The following ZNF236 variants were observed in gnomAD, a reference collection of about 807,000 sequenced individuals.
ZNF236 encodes zinc finger protein 236, also known as regulated by glucose.
A neutral mutation model predicts 191.2 loss-of-function variants in ZNF236; 50 were observed. The ratio of observed to expected loss-of-function variants is 0.26; its 90% CI spans 0.21 to 0.33. The LOEUF (loss-of-function observed/expected upper bound fraction) is 0.33, where lower values mean the gene tolerates loss of function less well. Ranked by LOEUF, ZNF236 falls within the 10% of genes least tolerant of loss-of-function variation. ZNF236 has a pLI of 1.00. For synonymous variants in ZNF236, 907 were observed against 928.8 expected, an observed-to-expected ratio of 0.98 and a Z score of 0.43; for missense variants, 1,754 against 2,374.5, an observed-to-expected ratio of 0.74 and a Z score of 5.43.
chr18:76,879,499 C>T (rs1348938945), intron 7 of ZNF236, among the ~76,000 whole-genome samples: 5 of 152,140 alleles, frequency 3.3e-5, no homozygotes, highest in Admixed American at 6.5e-5. Context: ...GTCCATTCAA[C>T]GGGTTTTGAC....
intron 26 of ZNF236, among the ~76,000 whole-genome samples, chr18:76,943,615 A>G (rs1968192486): frequency 6.6e-6 from 1 of 152,236 alleles, no homozygotes; most frequent in South Asian, 2.1e-4. Context: ...AGGTATATAA[A>G]TGTGGCTTTT....
chr18:76,953,274 C>T (rs1196197373), intron 27 of ZNF236, among the ~76,000 whole-genome samples: 3 of 152,236 alleles, frequency 2.0e-5, no homozygotes, highest in African/African-American at 7.2e-5. Context: ...AGGGGAGCCG[C>T]TGCAGCAAAC....
chr18:76,826,197 C>T (rs1180478590), intron 1 of ZNF236, among the ~76,000 whole-genome samples: 1 of 151,592 alleles, frequency 6.6e-6, no homozygotes, highest in African/African-American at 2.4e-5. Context: ...CTGCAACCTC[C>T]GCCTCCCGGG....
At chr18:76,848,215 A>G (rs1031437749) in intron 1 of ZNF236, among the ~76,000 whole-genome samples, 10 of 152,210 alleles carry the variant, frequency 6.6e-5, no homozygotes, top group South Asian at 2.1e-4. Context: ...GAACATTTCA[A>G]GTGCCTGTGT....
chr18:76,858,575 T>C (rs2122550460), intron 3 of ZNF236, among the ~76,000 whole-genome samples: 2 of 152,324 alleles, frequency 1.3e-5, no homozygotes, highest in Middle Eastern at 3.4e-3. Context: ...GCAGTTAGTT[T>C]TGAACAGATG....
intron 9 of ZNF236, chr18:76,887,262 C>T (rs535955761): frequency 2.0e-5 from 3 of 152,198 alleles, no homozygotes; most frequent in Admixed American, 2.0e-4. Context: ...GTCCCACCTA[C>T]TCGGGAAGCT....
At chr18:76,841,158 C>CT (rs1236893844) in intron 1 of ZNF236, 2 of 152,224 alleles carry the variant, frequency 1.3e-5, no homozygotes, top group African/African-American at 2.4e-5. Context: ...AGGCTGGTCT[C>CT]TAACTCCTGA....
intron 1 of ZNF236, among the ~76,000 whole-genome samples, chr18:76,845,590 C>G (rs572288831): frequency 6.6e-6 from 1 of 152,114 alleles, no homozygotes; most frequent in African/African-American, 2.4e-5. Context: ...GTGGCTCATG[C>G]CTGTAATCCC....
At chr18:76,826,371 G>T (rs1209854453) in intron 1 of ZNF236, among the ~76,000 whole-genome samples, 3 of 144,780 alleles carry the variant, frequency 2.1e-5, no homozygotes, top group African/African-American at 7.6e-5. Context: ...TGATCCGCCC[G>T]CCTCGGCCTC....
Position 76,968,999 on chromosome 18 carries a change from C to T in ZNF236, c.*660C>T. The T allele has an allele frequency of 1.0e-6, 1 of 985,532 alleles. No individual in the cohort carries two copies. The highest frequency in any genetic ancestry group is 1.1e-4 in the East Asian group (1 of 8,814). The allele number at this position is 985,532 out of a possible 1,614,324, so 61.0% of individuals were successfully genotyped here. A position where few individuals can be genotyped will look rare whatever the true frequency, so the allele number is the denominator to read the frequency against. On this transcript the variant is annotated 3_prime_UTR_variant, in exon 31 of 31. Coordinates refer to ENST00000320610, the MANE Select transcript of ZNF236 (RefSeq NM_001306089.2). ...CGTCAACATGGGGACTCGAGTAAAC[C>T]TGACCCACCAATAAGGATTCAGCTG...
chr18:76,886,595 C>T, intron 9 of ZNF236: 1 of 164,208 alleles, frequency 6.1e-6, no homozygotes, highest in Non-Finnish European at 1.3e-5. Flanking sequence ...CCTACCAGTG[C>T]TGTGGTGTCG....
chr18:76,949,433 T>G (rs1358984120), intron 27 of ZNF236, among the ~76,000 whole-genome samples: 3 of 152,152 alleles, frequency 2.0e-5, no homozygotes, highest in Non-Finnish European at 4.4e-5. Context: ...AGCTTGTAAT[T>G]TTTTTCAAAA....
chr18:76,946,280 A>G (rs1358351388), intron 26 of ZNF236, among the ~76,000 whole-genome samples: 3 of 152,206 alleles, frequency 2.0e-5, no homozygotes, highest in East Asian at 3.9e-4. Context: ...GCTGCCATCC[A>G]TGTAAGATGT....
At chr18:76,892,002 A>G (rs1453798711) in intron 9 of ZNF236, among the ~76,000 whole-genome samples, 1 of 152,154 alleles carries the variant, frequency 6.6e-6, no homozygotes, top group East Asian at 1.9e-4. Context: ...AAGTTCCAAA[A>G]ACTTTAGTTC....
At chr18:76,915,567 GT>G in intron 18 of ZNF236, 79 bp from the exon 19 acceptor site, 5 of 1,293,826 alleles carry the variant, frequency 3.9e-6, no homozygotes, top group Non-Finnish European at 5.5e-6. Context: ...ACATATCTTT[GT>G]TTGGTTTTGA....
At chr18:76,831,175 T>C (rs1975159367) in intron 1 of ZNF236, among the ~76,000 whole-genome samples, 1 of 152,252 alleles carries the variant, frequency 6.6e-6, no homozygotes, top group African/African-American at 2.4e-5. Flanking sequence ...TATAGTGTCA[T>C]ACAGAATAGT....
intron 3 of ZNF236, among the ~76,000 whole-genome samples, chr18:76,864,108 T>C (rs982657894): frequency 6.6e-6 from 1 of 151,784 alleles, no homozygotes. Context: ...CATTATCAGC[T>C]CTCCTAGGTC....
chr18:76,964,281 A>G (rs1453856136), intron 30 of ZNF236, among the ~76,000 whole-genome samples: 1 of 152,200 alleles, frequency 6.6e-6, no homozygotes, highest in Non-Finnish European at 1.5e-5. Context: ...TTCAGTTCGA[A>G]TAATTTTTTA....
chr18:76,903,444 A>AT (rs1429113726), intron 11 of ZNF236, among the ~76,000 whole-genome samples: 7 of 152,208 alleles, frequency 4.6e-5, no homozygotes, highest in African/African-American at 7.2e-5. Flanking sequence ...CGGAATCTGT[A>AT]TTTTTATGGA....
Sources: gnomAD v4.1 joint callset for allele counts (sites outside exome capture counted in the v4.1 genomes callset) on GRCh38, gnomAD v4.1.1 for gene constraint, MANE v1.5 for transcripts, NCBI Gene and HGNC (gene_info 2026-07-23, HGNC 2026-07-21) for gene names.